The following EPS8 variants were observed in gnomAD, a reference collection of about 807,000 sequenced individuals.
EPS8 encodes epidermal growth factor receptor kinase substrate 8.
A neutral mutation model predicts 103.8 loss-of-function variants in EPS8; 42 were observed. The ratio of observed to expected loss-of-function variants is 0.40; its 90% CI spans 0.32 to 0.52. The LOEUF is 0.52. EPS8 is among the 20% of genes least tolerant of loss of function. The probability of loss-of-function intolerance (pLI) is 0.40; values close to 1 mark genes in which losing one functional copy is unlikely to be tolerated. For synonymous variants in EPS8, 344 were observed against 344.6 expected, an observed-to-expected ratio of 1.00 and a Z score of 0.02; for missense variants, 969 against 1,005.1, an observed-to-expected ratio of 0.96 and a Z score of 0.49.
chr12:15,638,202 T>A (rs1945169703), intron 17 of EPS8, among the ~76,000 whole-genome samples: 1 of 152,160 alleles, frequency 6.6e-6, no homozygotes, highest in African/African-American at 2.4e-5. Flanking sequence ...TATGGGTATC[T>A]ACTGTTGTAG....
At position 15,670,962 on chromosome 12, in the gene EPS8, A is replaced by G. The variant is rs767338239; in HGVS notation, c.137-39T>C. 3.4e-6 allele frequency: 5 copies of G among 1,483,830 alleles called. No homozygotes were observed. The African/African-American group carries it at 5.5e-5, about 16-fold the overall frequency. 91.9% of individuals were successfully genotyped at this position (1,483,830 alleles called of 1,614,324 possible). A position where few individuals can be genotyped will look rare whatever the true frequency, so the allele number is the denominator to read the frequency against. ...TGAAAAAGCCATGATTTGTCCCCTA[A>G]TAGACTGAAGTTCATATGTTGGTAT... On this transcript the variant is annotated intron_variant, in intron 3 of 20. Coordinates refer to ENST00000281172, the MANE Select transcript of EPS8 (RefSeq NM_004447.6).
At chr12:15,651,710 T>C (rs561755670) in intron 13 of EPS8, among the ~76,000 whole-genome samples, 1 of 152,336 alleles carries the variant, frequency 6.6e-6, no homozygotes, top group East Asian at 1.9e-4. Flanking sequence ...TTTGCTAGAA[T>C]ATGTTGCTTC....
intron 1 of EPS8, among the ~76,000 whole-genome samples, chr12:15,691,027 C>T (rs1946164152): frequency 6.6e-6 from 1 of 151,812 alleles, no homozygotes; most frequent in Non-Finnish European, 1.5e-5. Flanking sequence ...ACTAAGAAAA[C>T]AAATCTCTAG....
In EPS8 at chr12:15,704,662, C is replaced by CA. The variant is rs1250199797; in HGVS notation, c.-21-21691_-21-21690insT. ...TCCTAGAGATGGATGGTCATGATGG[C>CA]TGCACAACAATGTGAATACACTTAA... On this transcript the variant is annotated intron_variant, in intron 1 of 20. Transcript: ENST00000281172. This position sits in a 1 kb window ranked among gnomAD's most constrained non-coding sequence, Gnocchi z 4.6. Among the ~76,000 whole-genome samples, 1 of 152,124 alleles carries CA rather than the reference C, an allele frequency of 6.6e-6. No homozygotes were observed. Among genetic ancestry groups the CA allele is most frequent in the East Asian group, 1.9e-4 (1 of 5,198 alleles).
In EPS8 at chr12:15,749,701, A is replaced by C. The variant is rs987059591; in HGVS notation, c.-22+39460T>G. Among the ~76,000 whole-genome samples the C allele has an allele frequency of 1.3e-5, 2 of 152,196 alleles. No homozygotes were observed. Among genetic ancestry groups the C allele is most frequent in the African/African-American group, 4.8e-5 (2 of 41,442 alleles). ...CAACATATATCATATTGTTCATAAT[A>C]TCTTCATATTGCATTGTTCATTAAA... On this transcript the variant is annotated intron_variant, in intron 1 of 20. Coordinates refer to ENST00000281172, the MANE Select transcript of EPS8 (RefSeq NM_004447.6). The surrounding 1 kb of genome is among the most constrained non-coding windows in gnomAD (Gnocchi z 4.0).
In EPS8 at chr12:15,745,018, C is replaced by A. The variant is rs184423582; in HGVS notation, c.-22+44143G>T. Among the ~76,000 whole-genome samples, 1,856 of 152,198 alleles carry A rather than the reference C, an allele frequency of 0.012. 86 individuals are homozygous for A. Among genetic ancestry groups the A allele is most frequent in the Admixed American group, 0.082 (1,251 of 15,278 alleles). The stretch of plus-strand genomic sequence containing the variant: ...AGCTGGGATTACTGGCATGTGCCAC[C>A]ACGCCCAGCTAATTTTTGTATTTTT... On this transcript the variant is annotated intron_variant, in intron 1 of 20. Coordinates refer to ENST00000281172, the MANE Select transcript of EPS8 (RefSeq NM_004447.6). The surrounding 1 kb of genome is among the most constrained non-coding windows in gnomAD (Gnocchi z 4.6).
chr12:15,755,452 C>T lies in EPS8; in HGVS notation c.-22+33709G>A, dbSNP rs1946976771. Among the ~76,000 whole-genome samples, 7 of 152,072 alleles carry T rather than the reference C, an allele frequency of 4.6e-5. No individual in the cohort carries two copies. In the South Asian group the frequency reaches 8.3e-4, roughly 18 times the overall value. On this transcript the variant is annotated intron_variant, in intron 1 of 20. Transcript: ENST00000281172. ...ACATCTCAGAAGGACCACTGATTTTCGAGCAATCTCTCTGAGCCTGTTTCT... is the reference window on the plus strand; with the variant it reads ...ACATCTCAGAAGGACCACTGATTTTTGAGCAATCTCTCTGAGCCTGTTTCT...
At chr12:15,639,234 T>C (rs1398796673) in intron 17 of EPS8, among the ~76,000 whole-genome samples, 2 of 152,132 alleles carry the variant, frequency 1.3e-5, no homozygotes, top group East Asian at 3.8e-4. Flanking sequence ...TTATTTTAAG[T>C]ATAGGTTTCA....
chr12:15,667,155 G>A (rs1472120046), intron 6 of EPS8, among the ~76,000 whole-genome samples: 1 of 152,152 alleles, frequency 6.6e-6, no homozygotes, highest in African/African-American at 2.4e-5. Context: ...AGTTTGTTTA[G>A]AGCCAGTGAT....
At chr12:15,637,196 C>T (rs888851347) in intron 17 of EPS8, among the ~76,000 whole-genome samples, 2 of 152,130 alleles carry the variant, frequency 1.3e-5, no homozygotes, top group African/African-American at 4.8e-5. Flanking sequence ...AATTTTTGTA[C>T]TTTTAGTAGA....
chr12:15,777,300 A>G lies in EPS8; in HGVS notation c.-22+11861T>C, dbSNP rs557012629. Among the ~76,000 whole-genome samples, 12 of 152,184 alleles carry G rather than the reference A, an allele frequency of 7.9e-5. No individual in the cohort carries two copies. The East Asian group carries it at 2.1e-3, about 27-fold the overall frequency. Reference sequence around the variant, plus strand: ...AAAAACACACACACACACACAAAACAAAACAAAAAACCAACAGCATATGTT... The same window carrying G: ...AAAAACACACACACACACACAAAACGAAACAAAAAACCAACAGCATATGTT... On this transcript the variant is annotated intron_variant, in intron 1 of 20. Transcript: ENST00000281172. This position sits in a 1 kb window ranked among gnomAD's most constrained non-coding sequence, Gnocchi z 4.7.
Position 15,684,651 on chromosome 12 carries a change from T to C in EPS8, c.-21-1679A>G, listed in dbSNP as rs1946065850. Among the ~76,000 whole-genome samples, 1 of 152,194 alleles carries C rather than the reference T, an allele frequency of 6.6e-6. No homozygotes were observed. Among genetic ancestry groups the C allele is most frequent in the Non-Finnish European group, 1.5e-5 (1 of 68,038 alleles). Reference sequence around the variant, plus strand: ...CCAACATATGTAGCTCTATTTTAAATCTGCTAGAAGTTCGGAGAGGGAAAA... The same window carrying C: ...CCAACATATGTAGCTCTATTTTAAACCTGCTAGAAGTTCGGAGAGGGAAAA... On this transcript the variant is annotated intron_variant, in intron 1 of 20. Transcript: ENST00000281172. The surrounding 1 kb of genome is among the most constrained non-coding windows in gnomAD (Gnocchi z 4.9).
rs1293732233 is a variant in EPS8, at chr12:15,721,405, G to C, written c.-21-38433C>G. Among the ~76,000 whole-genome samples, 1 of 152,092 alleles carries C rather than the reference G, an allele frequency of 6.6e-6. No homozygotes were observed. Among genetic ancestry groups the C allele is most frequent in the Non-Finnish European group, 1.5e-5 (1 of 68,024 alleles). On this transcript the variant is annotated intron_variant, in intron 1 of 20. Transcript: ENST00000281172. The surrounding 1 kb of genome is among the most constrained non-coding windows in gnomAD (Gnocchi z 4.4). ...CAAACTGTTTTCCTAGATGTAATGAGGGAAAGAAAGCAATACTGGAAAAAC... is the reference window on the plus strand; with the variant it reads ...CAAACTGTTTTCCTAGATGTAATGACGGAAAGAAAGCAATACTGGAAAAAC...
intron 19 of EPS8, 67 bp from the exon 20 acceptor site, chr12:15,623,354 T>G: frequency 7.0e-7 from 1 of 1,421,738 alleles, no homozygotes; most frequent in Non-Finnish European, 9.6e-7. Context: ...AGGAGAAAAT[T>G]ATCTGTTCCT....
rs145131281 is a variant in EPS8, at chr12:15,721,011, C to A, written c.-21-38039G>T. Reference sequence around the variant, plus strand: ...CCACTTACTACAGTTGGTGATGTTGCATGTCATTTATTTTTGCCCTGTCTG... The same window carrying A: ...CCACTTACTACAGTTGGTGATGTTGAATGTCATTTATTTTTGCCCTGTCTG... On this transcript the variant is annotated intron_variant, in intron 1 of 20. Coordinates refer to ENST00000281172, the MANE Select transcript of EPS8 (RefSeq NM_004447.6). The surrounding 1 kb of genome is among the most constrained non-coding windows in gnomAD (Gnocchi z 4.4). Among the ~76,000 whole-genome samples, 900 of 152,276 alleles carry A rather than the reference C, an allele frequency of 5.9e-3. 10 individuals carry two copies. The highest frequency in any genetic ancestry group is 0.021 in the African/African-American group (869 of 41,556).
chr12:15,731,523 C>A lies in EPS8; in HGVS notation c.-21-48551G>T, dbSNP rs919836757. Among the ~76,000 whole-genome samples the A allele has an allele frequency of 2.6e-5, 4 of 152,118 alleles. No homozygotes were observed. Among genetic ancestry groups the A allele is most frequent in the African/African-American group, 7.2e-5 (3 of 41,412 alleles). On this transcript the variant is annotated intron_variant, in intron 1 of 20. Coordinates refer to ENST00000281172, the MANE Select transcript of EPS8 (RefSeq NM_004447.6). The surrounding 1 kb of genome is among the most constrained non-coding windows in gnomAD (Gnocchi z 5.1). ...GTGTAGGCCAGGCTGGTCTCGAACT[C>A]CTGACTTCAGGTGATCCACCCACCT...
chr12:15,710,796 A>G (rs4764223), intron 1 of EPS8, among the ~76,000 whole-genome samples: 128,707 of 152,130 alleles, frequency 0.85, 58,551 homozygotes, highest in Non-Finnish European at 1. Context: ...AATGATCAAA[A>G]AGACTACATG....
Position 15,641,811 on chromosome 12 carries a change from T to C in EPS8, c.1588A>G (p.Thr530Ala), listed in dbSNP as rs758900072. 5.7e-6 allele frequency: 9 copies of C among 1,574,968 alleles called. No individual in the cohort carries two copies. Among genetic ancestry groups the C allele is most frequent in the Non-Finnish European group, 6.1e-6 (7 of 1,152,830 alleles). The change falls in exon 16 of 21, where the codon ACA becomes GCA. Residue 530 changes from threonine (T) to alanine (A), a missense_variant. By Grantham distance (58) the Thr-to-Ala change is moderately conservative. Coordinates refer to ENST00000281172, the MANE Select transcript of EPS8 (RefSeq NM_004447.6). The part of the protein sequence containing the change: ...HIDRNYEPLK[T>A]QPKKYAKSKY... ...GATTTGGCATATTTCTTGGGTTGTG[T>C]TTTGAGTGGTTCATAATTTCTATAA...
chr12:15,732,494 T>C (rs2135995172), intron 1 of EPS8, among the ~76,000 whole-genome samples: 1 of 152,282 alleles, frequency 6.6e-6, no homozygotes, highest in African/African-American at 2.4e-5. Context: ...TTTACAACTA[T>C]AACATTTAAG....
Sources: allele counts gnomAD v4.1 joint callset (sites outside exome capture counted in the v4.1 genomes callset), GRCh38; gene constraint gnomAD v4.1.1; non-coding constraint Gnocchi (gnomAD v3.1); transcripts MANE v1.5; gene names NCBI Gene and HGNC (gene_info 2026-07-23, HGNC 2026-07-21).